Variants in PHACTR1 observed in about 807,000 individuals in gnomAD.
PHACTR1 encodes the protein RPEL repeat containing 1.
In PHACTR1, 16 loss-of-function variants were observed where a neutral mutation model predicts 69.2. The ratio of observed to expected loss-of-function variants is 0.23; its 90% CI spans 0.16 to 0.35. The LOEUF (loss-of-function observed/expected upper bound fraction) is 0.35. Among genes scored for constraint, PHACTR1 ranks in the 10% least tolerant of loss-of-function variants. PHACTR1 has a pLI of 1.00. For missense variants in PHACTR1, 510 were observed against 734.7 expected, an observed-to-expected ratio of 0.69 and a Z score of 3.54; for synonymous variants, 312 against 284.5, an observed-to-expected ratio of 1.10 and a Z score of -0.97.
intron 10 of PHACTR1, among the ~76,000 whole-genome samples, chr6:13,249,791 C>G (rs954639394): frequency 7.2e-6 from 1 of 139,154 alleles, no homozygotes; most frequent in Admixed American, 7.3e-5. Context: ...AGAGAAAACT[C>G]CGTCTCAAAA....
intron 4 of PHACTR1, 93 bp from the exon 5 acceptor site, chr6:13,053,272 C>G: frequency 7.7e-7 from 1 of 1,291,758 alleles, no homozygotes; most frequent in Non-Finnish European, 1.1e-6. Flanking sequence ...TTTCTGTTAT[C>G]TGTAACCATG....
intron 4 of PHACTR1, among the ~76,000 whole-genome samples, chr6:12,842,155 G>C (rs1354580371): frequency 6.6e-6 from 1 of 152,136 alleles, no homozygotes; most frequent in East Asian, 1.9e-4. Flanking sequence ...AACAAATGAT[G>C]CCTGTTTTAT....
chr6:12,976,465 C>T (rs1457719679), intron 4 of PHACTR1, among the ~76,000 whole-genome samples: 1 of 152,158 alleles, frequency 6.6e-6, no homozygotes, highest in Non-Finnish European at 1.5e-5. Flanking sequence ...CACCAGGACT[C>T]CAGAACTTAT....
chr6:13,087,165 CAT>C (rs564100529), intron 5 of PHACTR1, among the ~76,000 whole-genome samples: 33 of 146,014 alleles, frequency 2.3e-4, no homozygotes, highest in African/African-American at 6.8e-4. Context: ...TTATATATAA[CAT>C]ATGTATAAAA....
intron 8 of PHACTR1, among the ~76,000 whole-genome samples, 167 bp from the exon 9 acceptor site, chr6:13,227,649 C>T (rs913962461): frequency 6.4e-4 from 98 of 152,188 alleles, no homozygotes; most frequent in African/African-American, 2.1e-3. Flanking sequence ...ATCAGGACAC[C>T]GTGCCGTCTT....
intron 11 of PHACTR1, chr6:13,273,256 A>T: frequency 3.8e-6 from 1 of 265,048 alleles, no homozygotes; most frequent in Non-Finnish European, 7.1e-6. Flanking sequence ...AATTGGCTTG[A>T]AAATGGAGAC....
intron 4 of PHACTR1, among the ~76,000 whole-genome samples, chr6:12,927,387 T>A (rs528802443): frequency 2.0e-5 from 3 of 152,230 alleles, no homozygotes; most frequent in African/African-American, 7.2e-5. Flanking sequence ...GCAAAGATGA[T>A]CAGTTTTGGA....
At chr6:13,103,269 G>C (rs1815483434) in intron 5 of PHACTR1, among the ~76,000 whole-genome samples, 1 of 152,184 alleles carries the variant, frequency 6.6e-6, no homozygotes, top group Non-Finnish European at 1.5e-5. Flanking sequence ...AATTAGAGAT[G>C]AGATGACCAC....
intron 4 of PHACTR1, among the ~76,000 whole-genome samples, chr6:12,993,912 T>C (rs1797105776): frequency 6.6e-6 from 1 of 151,638 alleles, no homozygotes; most frequent in African/African-American, 2.4e-5. Context: ...CAATGAAAAA[T>C]CTCCAGATCA....
At chr6:13,158,833 CAT>C (rs1242244222) in intron 5 of PHACTR1, among the ~76,000 whole-genome samples, 1 of 152,250 alleles carries the variant, frequency 6.6e-6, no homozygotes, top group African/African-American at 2.4e-5. Context: ...AGTTCTTCTT[CAT>C]ATTCTTTGGA....
In PHACTR1 at chr6:12,792,324, C is replaced by T. The variant is rs144093964; in HGVS notation, c.250+42534C>T. On this transcript the variant is annotated intron_variant, in intron 4 of 14. Coordinates refer to ENST00000332995, the MANE Select transcript of PHACTR1 (RefSeq NM_030948.6). Reference sequence around the variant, plus strand: ...TACCAAAAATACAAAATTAGCCGGGCGTGGTGGTACATGCCTGTAATCCCA... The same window carrying T: ...TACCAAAAATACAAAATTAGCCGGGTGTGGTGGTACATGCCTGTAATCCCA... 6.7e-3 allele frequency among the ~76,000 whole-genome samples: 1,022 copies of T among 151,644 alleles called. 12 individuals carry two copies. The highest frequency in any genetic ancestry group is 0.022 in the African/African-American group (919 of 41,364).
intron 5 of PHACTR1, among the ~76,000 whole-genome samples, chr6:13,078,134 A>G (rs1810816521): frequency 1.3e-5 from 2 of 152,046 alleles, no homozygotes; most frequent in South Asian, 4.1e-4. Context: ...GGGCAGCTGT[A>G]TCAGTTCCCT....
Position 13,285,828 on chromosome 6 carries a change from G to A in PHACTR1, c.1651-318G>A, listed in dbSNP as rs539009605. ...GGAAGATGAGAGGTTGACATTGAATGTGTTCTTGGGCCCCCAGGAGTGTGG... is the reference window on the plus strand; with the variant it reads ...GGAAGATGAGAGGTTGACATTGAATATGTTCTTGGGCCCCCAGGAGTGTGG... On this transcript the variant is annotated intron_variant, in intron 13 of 14. Coordinates refer to ENST00000332995, the MANE Select transcript of PHACTR1 (RefSeq NM_030948.6). 2.0e-5 allele frequency among the ~76,000 whole-genome samples: 3 copies of A among 152,172 alleles called. No individual in the cohort carries two copies. In the East Asian group the frequency reaches 5.8e-4, roughly 29 times the overall value.
At chr6:13,032,411 C>A (rs2127693356) in intron 4 of PHACTR1, among the ~76,000 whole-genome samples, 1 of 152,286 alleles carries the variant, frequency 6.6e-6, no homozygotes, top group South Asian at 2.1e-4. Context: ...AATGACAAAG[C>A]ATCTGTTAGC....
rs1439161673 is a variant in PHACTR1, at chr6:13,207,933, T to C, written c.986+1797T>C. ...CTGCTCCTGCCTGTCAGCTGAGTAT[T>C]CTGCATTTGGGAAAGGAGTGATTCA... On this transcript the variant is annotated intron_variant, in intron 8 of 14. Coordinates refer to ENST00000332995, the MANE Select transcript of PHACTR1 (RefSeq NM_030948.6). 2.6e-5 allele frequency among the ~76,000 whole-genome samples: 4 copies of C among 152,212 alleles called. No individual in the cohort carries two copies. In the East Asian group the frequency reaches 7.7e-4, roughly 29 times the overall value.
intron 4 of PHACTR1, among the ~76,000 whole-genome samples, chr6:12,969,390 A>G (rs1259948784): frequency 6.6e-6 from 1 of 152,212 alleles, no homozygotes; most frequent in Non-Finnish European, 1.5e-5. Flanking sequence ...CACTAACTAC[A>G]GAGTTGACAT....
chr6:13,205,915 C>T lies in PHACTR1; in HGVS notation c.765C>T (p.Asp255=), dbSNP rs1431485229. The T allele has an allele frequency of 1.9e-6, 3 of 1,613,848 alleles. No individual in the cohort carries two copies. Among genetic ancestry groups the T allele is most frequent in the Admixed American group, 3.3e-5 (2 of 60,018 alleles). Residue 255 remains aspartate (D), a synonymous_variant, in exon 8 of 15, where the codon GAC becomes GAT. Coordinates refer to ENST00000332995, the MANE Select transcript of PHACTR1 (RefSeq NM_030948.6). ...VMICMPVGGP[D]LSLVSYTAQK... is the part of the protein sequence containing the mutation. ...TCTGTATGCCCGTGGGGGGGCCAGA[C>T]CTCTCACTGGTGTCCTACACAGCCC...
chr6:13,095,532 A>G (rs1331023079), intron 5 of PHACTR1, among the ~76,000 whole-genome samples: 3 of 152,140 alleles, frequency 2.0e-5, no homozygotes, highest in African/African-American at 7.2e-5. Context: ...CAGAAAAAAA[A>G]AATATGTATT....
At chr6:13,003,951 C>CTATATATATATATATACATATATATATA (rs1384494931) in intron 4 of PHACTR1, among the ~76,000 whole-genome samples, 3 of 93,548 alleles carry the variant, frequency 3.2e-5, no homozygotes, top group South Asian at 3.3e-4. Context: ...AGTAGTATTC[C>CTATATATATATATATACATATATATATA]TATATATATA....
Sources: gnomAD v4.1 joint callset for allele counts (sites outside exome capture counted in the v4.1 genomes callset) on GRCh38, gnomAD v4.1.1 for gene constraint, MANE v1.5 for transcripts, NCBI Gene and HGNC (gene_info 2026-07-23, HGNC 2026-07-21) for gene names.